HECTD4: variants seen among roughly 807,000 people sequenced by gnomAD.
HECTD4 encodes the protein probable E3 ubiquitin-protein ligase HECTD4.
A neutral mutation model predicts 471.5 loss-of-function variants in HECTD4; 114 were observed. The ratio of observed to expected loss-of-function variants is 0.24; its 90% CI spans 0.21 to 0.28. HECTD4 has a LOEUF of 0.28. HECTD4 is among the 10% of genes least tolerant of loss of function. The probability of loss-of-function intolerance (pLI) is 1.00; values close to 1 mark genes in which losing one functional copy is unlikely to be tolerated. For missense variants in HECTD4, 3,866 were observed against 5,651.5 expected (o/e 0.68, Z 10.13); for synonymous variants, 2,012 against 2,256.0 (o/e 0.89, Z 3.07).
Position 112,261,410 on chromosome 12 carries a change from A to C in HECTD4, c.2768T>G (p.Leu923Trp), listed in dbSNP as rs1459617597. 1 of 1,608,840 alleles carries C rather than the reference A, an allele frequency of 6.2e-7. No individual in the cohort carries two copies. Among genetic ancestry groups the C allele is most frequent in the South Asian group, 1.1e-5 (1 of 90,868 alleles). ...AGTCAGGATTTGGGTGGCAAGAGCCAAAATACTGACTTTTAGCTCCTAGGC... is the reference window on the plus strand; with the variant it reads ...AGTCAGGATTTGGGTGGCAAGAGCCCAAATACTGACTTTTAGCTCCTAGGC... Reference protein sequence around the residue: ...LKVQELKVSILALATQILTGC... With the variant: ...LKVQELKVSIWALATQILTGC... Residue 923 changes from leucine (L) to tryptophan (W), a missense_variant, in exon 18 of 76, where the codon TTG (leucine) becomes TGG (tryptophan). Physicochemically the swap from Leu to Trp is moderately conservative, Grantham distance 61. Coordinates refer to ENST00000682272, the MANE Select transcript of HECTD4 (RefSeq NM_001388303.1).
At chr12:112,254,283 T>C (rs946243953) in intron 21 of HECTD4, 121 bp from the exon 22 acceptor site, 22 of 1,216,506 alleles carry the variant, frequency 1.8e-5, no homozygotes, top group Non-Finnish European at 2.5e-5. Flanking sequence ...GGTGTCATTA[T>C]AGTATAACTA....
intron 60 of HECTD4, among the ~76,000 whole-genome samples, chr12:112,190,191 T>G (rs1274094959): frequency 2.0e-5 from 3 of 152,246 alleles, no homozygotes; most frequent in Non-Finnish European, 4.4e-5. Context: ...TTTCCTCTAC[T>G]ACATATCTGT....
chr12:112,227,458 T>C (rs911420562), intron 43 of HECTD4, among the ~76,000 whole-genome samples: 5 of 151,418 alleles, frequency 3.3e-5, no homozygotes, highest in Non-Finnish European at 5.9e-5. Context: ...AGACTCTGTG[T>C]CCAAAAAAAA....
chr12:112,367,306 A>AAAAAG (rs1362315585), intron 1 of HECTD4, among the ~76,000 whole-genome samples: 174 of 133,888 alleles, frequency 1.3e-3, no homozygotes, highest in African/African-American at 4.1e-3. Flanking sequence ...CTCAAAAAAA[A>AAAAAG]AAAGAAAGAA....
At position 112,193,570 on chromosome 12, in the gene HECTD4, G is replaced by T. The variant is rs1006186108; in HGVS notation, c.8854C>A (p.Gln2952Lys). The T allele has an allele frequency of 6.2e-7, 1 of 1,613,230 alleles. No individual in the cohort carries two copies. Among genetic ancestry groups the T allele is most frequent in the African/African-American group, 1.3e-5 (1 of 75,068 alleles). ...ATDLFYQGNS[Q>K]TVREWLNVAI... ...ACGTTGAGCCACTCTCTCACTGTCT[G>T]GGAGTTGCCCTGGTAAAAGAGGTCC... Residue 2952 changes from glutamine to lysine, a missense_variant, in exon 57 of 76, where the codon CAG becomes AAG. Around this residue, in one of 16 missense-constraint regions of HECTD4, gnomAD observed 364 missense variants for 413.2 expected, o/e 0.88. Transcript: ENST00000682272. The surrounding 1 kb of genome is among the most constrained non-coding windows in gnomAD (Gnocchi z 5.2).
intron 11 of HECTD4, among the ~76,000 whole-genome samples, chr12:112,271,052 A>G (rs2034402493): frequency 6.6e-6 from 1 of 152,118 alleles, no homozygotes; most frequent in East Asian, 1.9e-4. Context: ...TATAAAGTGG[A>G]CTTTCTTTTC....
Position 112,234,942 on chromosome 12 carries a change from A to G in HECTD4, c.5915+135T>C, listed in dbSNP as rs567992877. On this transcript the variant is annotated intron_variant, in intron 37 of 75. Transcript: ENST00000682272. ...TTCTTTCTGTGTCACCACAGGAATCACAGTGACAGTGTCTACCTGAAAGGG... is the reference window on the plus strand; with the variant it reads ...TTCTTTCTGTGTCACCACAGGAATCGCAGTGACAGTGTCTACCTGAAAGGG... 6 of 699,848 alleles carry G rather than the reference A, an allele frequency of 8.6e-6. No homozygotes were observed. In the African/African-American group the frequency reaches 1.1e-4, roughly 13 times the overall value. 43.4% of individuals were successfully genotyped at this position (699,848 alleles called of 1,614,324 possible).
rs1374583968 is a variant in HECTD4, at chr12:112,313,154, G to A, written c.786-7C>T. The A allele has an allele frequency of 3.3e-6, 5 of 1,530,978 alleles. No individual in the cohort carries two copies. The highest frequency in any genetic ancestry group is 2.7e-5 in the African/African-American group (2 of 72,766). 94.8% of individuals were successfully genotyped at this position (1,530,978 alleles called of 1,614,324 possible). On this transcript the variant is annotated splice_region_variant and splice_polypyrimidine_tract_variant and intron_variant, in intron 3 of 75. Transcript: ENST00000682272. ...CCCTTCCAAAAGCAACAGCCTATAT[G>A]GGGGAGAAAGAAAATCACAAAGACA...
rs771319278 is a variant in HECTD4 at position 112,204,373 on chromosome 12, G to T, written c.8269+113C>A. On this transcript the variant is annotated intron_variant, in intron 53 of 75. Transcript: ENST00000682272. The stretch of plus-strand genomic sequence containing the variant: ...CGGTGTGGAAGAGGTTAGCCCAGTC[G>T]GAGTAAGGAGAGTCACCCTAGGAGA... The T allele has an allele frequency of 2.0e-4, 210 of 1,039,556 alleles. 1 individual carries two copies. The highest frequency in any genetic ancestry group is 7.1e-4 in the Admixed American group (33 of 46,808). The allele number at this position is 1,039,556 out of a possible 1,614,324, so 64.4% of individuals were successfully genotyped here. A position where few individuals can be genotyped will look rare whatever the true frequency, so the allele number is the denominator to read the frequency against.
chr12:112,382,392 C>T lies in HECTD4; in HGVS notation c.-264G>A. 1 of 336,332 alleles carries T rather than the reference C, an allele frequency of 3.0e-6. No individual in the cohort carries two copies. Among genetic ancestry groups the T allele is most frequent in the South Asian group, 5.5e-5 (1 of 18,294 alleles). The allele number at this position is 336,332 out of a possible 1,614,324, so 20.8% of individuals were successfully genotyped here. The stretch of plus-strand genomic sequence containing the variant: ...AGCAGGATCCGCCTCTGCCGCTCGG[C>T]AACCAACTGTCAGTGAGACGCCATG... On this transcript the variant is annotated 5_prime_UTR_variant, in exon 1 of 76. Coordinates refer to ENST00000682272, the MANE Select transcript of HECTD4 (RefSeq NM_001388303.1).
At chr12:112,177,502 C>T (rs949856647) in intron 64 of HECTD4, among the ~76,000 whole-genome samples, 1 of 151,934 alleles carries the variant, frequency 6.6e-6, no homozygotes, top group African/African-American at 2.4e-5. Flanking sequence ...GTCTCAGCCT[C>T]CCAAGTAGCT....
At position 112,283,218 on chromosome 12, in the gene HECTD4, T is replaced by C. The variant is rs748057432; in HGVS notation, c.1420A>G (p.Asn474Asp). The change falls in exon 8 of 76, where the codon AAT (asparagine) becomes GAT (aspartate). Residue 474 changes from asparagine (N) to aspartate (D), a missense_variant. Coordinates refer to ENST00000682272, the MANE Select transcript of HECTD4 (RefSeq NM_001388303.1). ...RKEGESAKSI[N>D]EMLLSRLSRY... ...GAAAGTCTACTTAGAAGCATCTCAT[T>C]AATGCTTTTGGCAGATTCGCCCTCT... 1 of 1,613,524 alleles carries C rather than the reference T, an allele frequency of 6.2e-7. No homozygotes were observed. Among genetic ancestry groups the C allele is most frequent in the East Asian group, 2.2e-5 (1 of 44,886 alleles).
intron 72 of HECTD4, 28 bp from the exon 73 acceptor site, chr12:112,164,303 A>T (rs750502782): frequency 6.3e-7 from 1 of 1,598,858 alleles, no homozygotes; most frequent in Non-Finnish European, 8.5e-7. Context: ...AGCGAGGCTC[A>T]TTATGAGGCC....
intron 1 of HECTD4, chr12:112,321,786 AC>A (rs1313437749): frequency 1.3e-5 from 2 of 152,168 alleles, no homozygotes; most frequent in African/African-American, 2.4e-5. Flanking sequence ...AAAAACAACA[AC>A]ACAAAACCAA....
intron 68 of HECTD4, chr12:112,170,728 CAAA>C (rs1277657222): frequency 6.1e-6 from 3 of 490,844 alleles, no homozygotes; most frequent in Non-Finnish European, 1.1e-5. Flanking sequence ...TAAAAAAAGA[CAAA>C]AAGCTGTGTG....
intron 45 of HECTD4, among the ~76,000 whole-genome samples, chr12:112,218,084 G>C (rs992994751): frequency 3.3e-5 from 5 of 151,682 alleles, no homozygotes; most frequent in African/African-American, 9.7e-5. Flanking sequence ...GTTGAACCCG[G>C]GAGGTGGAGG....
intron 1 of HECTD4, among the ~76,000 whole-genome samples, chr12:112,372,459 C>T (rs1231348324): frequency 6.6e-6 from 1 of 151,632 alleles, no homozygotes; most frequent in Non-Finnish European, 1.5e-5. Flanking sequence ...GACGGGGTTT[C>T]ACCGTGTTAG....
chr12:112,215,292 A>C (rs887505468), intron 48 of HECTD4, among the ~76,000 whole-genome samples: 6 of 152,210 alleles, frequency 3.9e-5, no homozygotes, highest in African/African-American at 1.4e-4. Context: ...TACCTATTGG[A>C]GTGACTTCAT....
At chr12:112,259,725 AGCACTTTACAAATGGATTCTAAAAT>A (rs2034102405) in intron 18 of HECTD4, among the ~76,000 whole-genome samples, 1 of 152,072 alleles carries the variant, frequency 6.6e-6, no homozygotes, top group Non-Finnish European at 1.5e-5. Flanking sequence ...GCACCTTTGA[AGCACTTTACAAATGGATTCTAAAAT>A]GCCAATGGCT....
Sources: allele counts gnomAD v4.1 joint callset (sites outside exome capture counted in the v4.1 genomes callset), GRCh38; gene constraint gnomAD v4.1.1; regional missense constraint gnomAD v4.1.1; non-coding constraint Gnocchi (gnomAD v3.1); transcripts MANE v1.5; gene names NCBI Gene and HGNC (gene_info 2026-07-23, HGNC 2026-07-21).